Variants in SHANK2 observed in about 807,000 individuals in gnomAD.
The protein encoded by SHANK2 is SH3 and multiple ankyrin repeat domains 2.
Under a neutral mutation model 133.7 loss-of-function variants are expected in SHANK2, and 43 were observed. That is an observed-to-expected ratio of 0.32 (90% confidence interval 0.25 to 0.41). The LOEUF (loss-of-function observed/expected upper bound fraction) is 0.41. Ranked by LOEUF, SHANK2 falls within the 10% of genes least tolerant of loss-of-function variation. SHANK2 has a pLI of 1.00. For missense variants in SHANK2, 1,994 were observed against 2,235.8 expected, an observed-to-expected ratio of 0.89 and a Z score of 2.18; for synonymous variants, 1,017 against 952.8, an observed-to-expected ratio of 1.07 and a Z score of -1.24.
In SHANK2 at chr11:70,643,702, G is replaced by A. The variant is rs191611818; in HGVS notation, c.2061+16126C>T. On this transcript the variant is annotated intron_variant, in intron 17 of 25. Coordinates refer to ENST00000601538, the MANE Select transcript of SHANK2 (RefSeq NM_012309.5). The stretch of plus-strand genomic sequence containing the variant: ...GCAAATATTCCTCTTTCTTTTATAC[G>A]TTGGCATTGTTTTTGGTCATTTGAA... 2.6e-5 allele frequency among the ~76,000 whole-genome samples: 4 copies of A among 152,118 alleles called. No individual in the cohort carries two copies. In the East Asian group the frequency reaches 7.7e-4, roughly 29 times the overall value.
chr11:70,804,499 T>C lies in SHANK2; in HGVS notation c.1663+2503A>G, dbSNP rs1948119350. Among the ~76,000 whole-genome samples the C allele has an allele frequency of 6.6e-6, 1 of 152,132 alleles. No homozygotes were observed. The highest frequency in any genetic ancestry group is 2.4e-5 in the African/African-American group (1 of 41,440). ...GAACCGAGCTCTGTCATTTCTGTTC[T>C]CCCTGGGAGAAAGGCCCAGCTCCCC... On this transcript the variant is annotated intron_variant, in intron 13 of 25. Coordinates refer to ENST00000601538, the MANE Select transcript of SHANK2 (RefSeq NM_012309.5). This position sits in a 1 kb window ranked among gnomAD's most constrained non-coding sequence, Gnocchi z 4.1.
At chr11:70,556,387 CTTTCTT>C (rs2059829970) in intron 17 of SHANK2, among the ~76,000 whole-genome samples, 1 of 47,586 alleles carries the variant, frequency 2.1e-5, no homozygotes, top group Non-Finnish European at 5.8e-5. Context: ...CTGTCTCTTT[CTTTCTT>C]TCTCTCTCTC....
At chr11:70,484,533 T>G (rs932894117) in intron 25 of SHANK2, among the ~76,000 whole-genome samples, 9 of 152,208 alleles carry the variant, frequency 5.9e-5, no homozygotes, top group African/African-American at 2.2e-4. Context: ...CCTCATTTTT[T>G]TATAAATTAC....
At chr11:71,073,162 T>C (rs1243281154) in intron 9 of SHANK2, among the ~76,000 whole-genome samples, 2 of 40,280 alleles carry the variant, frequency 5.0e-5, no homozygotes, top group African/African-American at 9.8e-5. Flanking sequence ...TTTTCTTTTT[T>C]TTCTTTTTTT....
intron 2 of SHANK2, among the ~76,000 whole-genome samples, chr11:71,181,228 G>A (rs1296749063): frequency 6.6e-6 from 1 of 151,988 alleles, no homozygotes; most frequent in Non-Finnish European, 1.5e-5. Flanking sequence ...TTCAAAGTTT[G>A]TTAATAAGGT....
intron 17 of SHANK2, among the ~76,000 whole-genome samples, chr11:70,551,013 C>T (rs527707878): frequency 5.1e-4 from 77 of 152,298 alleles, no homozygotes; most frequent in African/African-American, 1.7e-3. Flanking sequence ...AAGGCGATGC[C>T]CCTGAGGGCC....
chr11:70,613,067 A>C (rs1168030715), intron 17 of SHANK2, among the ~76,000 whole-genome samples: 4 of 152,152 alleles, frequency 2.6e-5, no homozygotes, highest in Non-Finnish European at 5.9e-5. Context: ...CTCCTGGCCC[A>C]CGTGGGAGAA....
chr11:71,240,788 G>C (rs570490744), intron 1 of SHANK2: 1 of 152,364 alleles, frequency 6.6e-6, no homozygotes, highest in South Asian at 2.1e-4. Flanking sequence ...AGGTGTGGTG[G>C]TGTGCACCTG....
At chr11:70,551,587 TG>T (rs1554978065) in intron 17 of SHANK2, among the ~76,000 whole-genome samples, 1 of 152,160 alleles carries the variant, frequency 6.6e-6, no homozygotes, top group East Asian at 1.9e-4. Context: ...GCTGACTCAG[TG>T]GTTTTTTTCA....
At chr11:70,496,852 A>G in intron 21 of SHANK2, 1 of 408,982 alleles carries the variant, frequency 2.4e-6, no homozygotes, top group Non-Finnish European at 4.9e-6. Context: ...GTCCAGGAGA[A>G]CCACGAGGCG....
At chr11:70,517,429 T>G (rs1554970333) in intron 17 of SHANK2, among the ~76,000 whole-genome samples, 1 of 152,214 alleles carries the variant, frequency 6.6e-6, no homozygotes, top group East Asian at 1.9e-4. Context: ...TAGAGCAGCT[T>G]TATTAATAAT....
chr11:70,543,728 AC>A (rs1393237681), intron 17 of SHANK2, among the ~76,000 whole-genome samples: 3 of 152,154 alleles, frequency 2.0e-5, no homozygotes, highest in Non-Finnish European at 4.4e-5. Context: ...CATCATGGGA[AC>A]CCTGATTCAT....
rs186640600 is a variant in SHANK2, at chr11:70,650,933, T to C, written c.2061+8895A>G. On this transcript the variant is annotated intron_variant, in intron 17 of 25. Coordinates refer to ENST00000601538, the MANE Select transcript of SHANK2 (RefSeq NM_012309.5). ...GCTTCAGAAATGAATGAGTGAAGCT[T>C]CAGAAGTAATTTTTACAATTGCCAC... is the stretch of plus-strand genomic sequence containing the variant. 2.6e-5 allele frequency among the ~76,000 whole-genome samples: 4 copies of C among 152,358 alleles called. No individual in the cohort carries two copies. The East Asian group carries it at 7.7e-4, about 29-fold the overall frequency.
At chr11:71,085,633 A>ATATATTATATAT (rs1951376325) in intron 8 of SHANK2, among the ~76,000 whole-genome samples, 1 of 66,990 alleles carries the variant, frequency 1.5e-5, no homozygotes, top group Non-Finnish European at 2.6e-5. Context: ...ATATTATAAT[A>ATATATTATATAT]TATATAATAT....
chr11:71,082,350 G>A (rs958862255), intron 8 of SHANK2, among the ~76,000 whole-genome samples: 26 of 152,270 alleles, frequency 1.7e-4, no homozygotes, highest in Admixed American at 5.2e-4. Flanking sequence ...GTCATCTTGG[G>A]GCCTGGACAC....
chr11:71,201,381 C>T (rs959903704), intron 2 of SHANK2, among the ~76,000 whole-genome samples: 1 of 152,228 alleles, frequency 6.6e-6, no homozygotes, highest in South Asian at 2.1e-4. Context: ...TGCTGCCCAC[C>T]GCTGCCCGCC....
chr11:70,852,404 T>C (rs1439619719), intron 11 of SHANK2, among the ~76,000 whole-genome samples: 1 of 152,118 alleles, frequency 6.6e-6, no homozygotes, highest in African/African-American at 2.4e-5. Context: ...GCAAAGGGTG[T>C]TGTGTTTGTG....
chr11:70,835,584 A>G (rs1444106568), intron 11 of SHANK2, among the ~76,000 whole-genome samples: 2 of 152,014 alleles, frequency 1.3e-5, no homozygotes, highest in African/African-American at 4.8e-5. Context: ...GCACCATGAG[A>G]AGAGATGTCC....
chr11:71,198,603 G>A (rs1026616870), intron 2 of SHANK2, among the ~76,000 whole-genome samples: 10 of 152,046 alleles, frequency 6.6e-5, no homozygotes, highest in African/African-American at 2.4e-4. Context: ...CCCCGCAGAC[G>A]CCGTCCCCTA....
Sources: gnomAD v4.1 joint callset for allele counts (sites outside exome capture counted in the v4.1 genomes callset) on GRCh38, gnomAD v4.1.1 for gene constraint, Gnocchi (gnomAD v3.1) non-coding constraint, MANE v1.5 for transcripts, NCBI Gene and HGNC (gene_info 2026-07-23, HGNC 2026-07-21) for gene names.